Variants in ANKRD11 observed in about 807,000 individuals in gnomAD.
ANKRD11 encodes ankyrin repeat domain 11, also known as ankyrin repeat domain-containing protein 11.
A neutral mutation model predicts 195.7 loss-of-function variants in ANKRD11; 17 were observed. The ratio of observed to expected loss-of-function variants is 0.09; its 90% CI spans 0.06 to 0.13. The LOEUF is 0.13. Ranked by LOEUF, ANKRD11 falls within the 10% of genes least tolerant of loss-of-function variation. The pLI, the probability that ANKRD11 is intolerant of heterozygous loss-of-function variation, is 1.00. For missense variants in ANKRD11, 3,735 were observed against 3,566.1 expected, an observed-to-expected ratio of 1.05 and a Z score of -1.21; for synonymous variants, 1,953 against 1,528.1, an observed-to-expected ratio of 1.28 and a Z score of -6.49.
intron 1 of ANKRD11, among the ~76,000 whole-genome samples, chr16:89,422,378 A>G (rs942390179): frequency 6.6e-6 from 1 of 152,166 alleles, no homozygotes; most frequent in Non-Finnish European, 1.5e-5. Flanking sequence ...TTTAAAAAAA[A>G]GGATCTTGGA....
chr16:89,451,507 G>A (rs1007977661), intron 1 of ANKRD11, among the ~76,000 whole-genome samples: 1 of 147,396 alleles, frequency 6.8e-6, no homozygotes, highest in Non-Finnish European at 1.5e-5. Flanking sequence ...CGCCTCCCGA[G>A]TTTTCAAGCA....
chr16:89,406,402 G>A lies in ANKRD11; in HGVS notation c.-60+11882C>T, dbSNP rs528855712. Among the ~76,000 whole-genome samples the A allele has an allele frequency of 4.6e-5, 7 of 152,310 alleles. No individual in the cohort carries two copies. The South Asian group carries it at 1.0e-3, about 23-fold the overall frequency. ...AGGGCGACAAAACACCAGCCGGCGC[G>A]CTCTGAGACTTGCGGTCAGTCCTAG... On this transcript the variant is annotated intron_variant, in intron 2 of 12. Transcript: ENST00000301030.
In ANKRD11 at chr16:89,465,999, C is replaced by T. The variant is rs191674624; in HGVS notation, c.-145+24246G>A. Among the ~76,000 whole-genome samples, 45 of 152,174 alleles carry T rather than the reference C, an allele frequency of 3.0e-4. 1 individual carries two copies. In the East Asian group the frequency reaches 7.6e-3, roughly 26 times the overall value. On this transcript the variant is annotated intron_variant, in intron 1 of 12. Transcript: ENST00000301030. ...TGCTGGAATTACAGGCGTGAGCCAC[C>T]GCGCCTGGCCACCATCACACTTTCT...
chr16:89,449,719 G>T (rs1248815748), intron 1 of ANKRD11, among the ~76,000 whole-genome samples: 3 of 152,274 alleles, frequency 2.0e-5, no homozygotes, highest in East Asian at 1.9e-4. Context: ...CTTGAACCTG[G>T]GAGGTGGAGG....
At chr16:89,371,804 C>T (rs2040205982) in intron 2 of ANKRD11, among the ~76,000 whole-genome samples, 1 of 152,190 alleles carries the variant, frequency 6.6e-6, no homozygotes, top group Admixed American at 6.5e-5. Flanking sequence ...CGCCCTCTGC[C>T]CAGGCCAGCA....
Position 89,282,072 on chromosome 16 carries a change from G to T in ANKRD11, c.4470C>A (p.Asp1490Glu). Residue 1490 changes from aspartate to glutamate, a missense_variant, in exon 9 of 13, where the codon GAC (aspartate) becomes GAA (glutamate). Coordinates refer to ENST00000301030, the MANE Select transcript of ANKRD11 (RefSeq NM_013275.6). ...HADGLLRHHRDELLRHHRDEQ... is the reference protein window; with the variant it reads ...HADGLLRHHREELLRHHRDEQ... Reference sequence around the variant, plus strand: ...CGTCCCTGTGATGCCGCAGGAGCTCGTCCCTGTGATGCCGCAGCAGCCCAT... The same window carrying T: ...CGTCCCTGTGATGCCGCAGGAGCTCTTCCCTGTGATGCCGCAGCAGCCCAT... 1 of 1,612,914 alleles carries T rather than the reference G, an allele frequency of 6.2e-7. No individual in the cohort carries two copies.
chr16:89,387,120 C>T (rs1028750145), intron 2 of ANKRD11, among the ~76,000 whole-genome samples: 2 of 151,790 alleles, frequency 1.3e-5, no homozygotes, highest in South Asian at 2.1e-4. Flanking sequence ...CCAAGAGCAG[C>T]GAGGGTGGGA....
At chr16:89,318,810 G>T (rs1157092336) in intron 2 of ANKRD11, among the ~76,000 whole-genome samples, 1 of 152,212 alleles carries the variant, frequency 6.6e-6, no homozygotes, top group Non-Finnish European at 1.5e-5. Context: ...GACAGGTCGG[G>T]TCAACGTATT....
intron 4 of ANKRD11, among the ~76,000 whole-genome samples, chr16:89,294,827 G>A (rs1597500226): frequency 6.6e-6 from 1 of 152,206 alleles, no homozygotes; most frequent in East Asian, 1.9e-4. Flanking sequence ...GTGCCCCTGA[G>A]AAACGCTCCT....
intron 2 of ANKRD11, among the ~76,000 whole-genome samples, chr16:89,328,467 A>G (rs1282619730): frequency 6.6e-6 from 1 of 152,262 alleles, no homozygotes; most frequent in Non-Finnish European, 1.5e-5. Context: ...GGTGTCCTCG[A>G]AACTGGGTTT....
chr16:89,460,497 T>G (rs2056615941), intron 1 of ANKRD11, among the ~76,000 whole-genome samples: 1 of 152,138 alleles, frequency 6.6e-6, no homozygotes. Flanking sequence ...AGGTGGGGGA[T>G]GCAGTGAGCC....
At chr16:89,382,473 G>A (rs944187862) in intron 2 of ANKRD11, among the ~76,000 whole-genome samples, 3 of 151,992 alleles carry the variant, frequency 2.0e-5, no homozygotes, top group African/African-American at 4.8e-5. Context: ...TCACAGGTGC[G>A]TGCCACCAAG....
chr16:89,281,105 G>T lies in ANKRD11; in HGVS notation c.5437C>A (p.Gln1813Lys). ...FSVGDKLFRQ[Q>K]SVPAASSYDS... ...TAGCTGGAGGCAGCAGGAACGCTCT[G>T]CTGCCTGAAGAGCTTGTCTCCGACG... is the stretch of plus-strand genomic sequence containing the variant. Residue 1813 changes from glutamine (Q) to lysine (K), a missense_variant, in exon 9 of 13, where the codon CAG (glutamine) becomes AAG (lysine). Transcript: ENST00000301030. This position sits in a 1 kb window ranked among gnomAD's most constrained non-coding sequence, Gnocchi z 5.5. The T allele has an allele frequency of 6.2e-7, 1 of 1,611,336 alleles. No individual in the cohort carries two copies.
At chr16:89,471,522 G>A (rs767474486) in intron 1 of ANKRD11, among the ~76,000 whole-genome samples, 31 of 152,072 alleles carry the variant, frequency 2.0e-4, no homozygotes, top group Non-Finnish European at 3.1e-4. Flanking sequence ...ACCAGGTGTG[G>A]TGCCTCACGC....
At chr16:89,377,813 G>C (rs577517032) in intron 2 of ANKRD11, among the ~76,000 whole-genome samples, 9 of 152,212 alleles carry the variant, frequency 5.9e-5, no homozygotes, top group African/African-American at 2.2e-4. Flanking sequence ...CACTTCGTAA[G>C]TTACACCAAA....
chr16:89,323,201 G>C (rs1313563962), intron 2 of ANKRD11: 4 of 773,870 alleles, frequency 5.2e-6, no homozygotes, highest in Non-Finnish European at 7.6e-6. Flanking sequence ...AGGGAGAGAA[G>C]TCTCCAACGG....
At chr16:89,441,792 A>AAAAAAC (rs2043513887) in intron 1 of ANKRD11, among the ~76,000 whole-genome samples, 2 of 147,498 alleles carry the variant, frequency 1.4e-5, no homozygotes, top group Non-Finnish European at 3.0e-5. Context: ...AAAAAAAAAA[A>AAAAAAC]ACGCAAACCT....
Position 89,288,721 on chromosome 16 carries a change from C to T in ANKRD11, c.602-51G>A, listed in dbSNP as rs1446769456. ...GTTATTTAATCCTCAGAACTTCCCT[C>T]CTGTCTCTGGAGGCAGCGCCCTGAG... On this transcript the variant is annotated intron_variant, in intron 6 of 12. Coordinates refer to ENST00000301030, the MANE Select transcript of ANKRD11 (RefSeq NM_013275.6). The T allele has an allele frequency of 1.9e-6, 3 of 1,613,088 alleles. No individual in the cohort carries two copies. The East Asian group carries it at 6.7e-5, about 36-fold the overall frequency.
At chr16:89,320,044 T>C (rs2037210278) in intron 2 of ANKRD11, 1 of 152,316 alleles carries the variant, frequency 6.6e-6, no homozygotes, top group African/African-American at 2.4e-5. Flanking sequence ...CAGTGACTTC[T>C]ACCAGGGGCT....
Sources: gnomAD v4.1 joint callset for allele counts (sites outside exome capture counted in the v4.1 genomes callset) on GRCh38, gnomAD v4.1.1 for gene constraint, Gnocchi (gnomAD v3.1) non-coding constraint, MANE v1.5 for transcripts, NCBI Gene and HGNC (gene_info 2026-07-23, HGNC 2026-07-21) for gene names.